Variants in C2orf76 observed in about 807,000 individuals in gnomAD.
C2orf76 encodes the protein chromosome 2 open reading frame 76, also known as UPF0538 protein C2orf76.
C2orf76 carries 23 observed loss-of-function variants against 16.9 expected under a neutral mutation model. The observed-to-expected ratio is 1.36, with a 90% CI of 0.98 to 1.93. C2orf76 has a LOEUF of 1.93. C2orf76 is among the 30% of genes most tolerant of loss of function. The pLI is 0.00. For synonymous variants in C2orf76, 48 were observed against 52.3 expected (o/e 0.92, Z 0.35); for missense variants, 152 against 152.6 (o/e 1.00, Z 0.02).
chr2:119,328,554 T>C (rs922729583), intron 2 of C2orf76, among the ~76,000 whole-genome samples: 2 of 152,204 alleles, frequency 1.3e-5, no homozygotes, highest in African/African-American at 2.4e-5. Flanking sequence ...TCTCCAAGAA[T>C]CAACTTTGAC....
At chr2:119,366,907 C>G (rs565219281), upstream of C2orf76, 88 of 1,065,142 alleles carry the variant, frequency 8.3e-5, no homozygotes, top group African/African-American at 1.2e-3. Context: ...TAGCTGGCTT[C>G]TGATTGGCTT....
At chr2:119,360,013 G>A (rs532592160) in intron 1 of C2orf76, among the ~76,000 whole-genome samples, 6 of 152,284 alleles carry the variant, frequency 3.9e-5, no homozygotes, top group Admixed American at 3.9e-4. Context: ...AAACATCATT[G>A]TTAGCTTATT....
intron 2 of C2orf76, among the ~76,000 whole-genome samples, chr2:119,324,134 T>C (rs1679434770): frequency 6.6e-6 from 1 of 152,210 alleles, no homozygotes; most frequent in East Asian, 1.9e-4. Context: ...TGAAACTCCC[T>C]GAAGAAAGCC....
the C2orf76 span, among the ~76,000 whole-genome samples, chr2:119,293,711 T>G: frequency 2.0e-5 from 3 of 152,176 alleles, no homozygotes; most frequent in Non-Finnish European, 2.9e-5. Flanking sequence ...GCCTGGGCCC[T>G]GGATATACTC....
At chr2:119,305,740 G>A (rs1402709444) in intron 5 of C2orf76, among the ~76,000 whole-genome samples, 1 of 152,046 alleles carries the variant, frequency 6.6e-6, no homozygotes, top group Non-Finnish European at 1.5e-5. Context: ...CCTCCCAAAT[G>A]TCATAAAATC....
At chr2:119,340,755 T>TACACACACAC (rs60777590) in intron 1 of C2orf76, among the ~76,000 whole-genome samples, 16 of 140,284 alleles carry the variant, frequency 1.1e-4, no homozygotes, top group African/African-American at 3.4e-4. Flanking sequence ...TGCTTTCTAA[T>TACACACACAC]ACACACACAC....
At chr2:119,309,377 CT>C (rs1279694921) in intron 5 of C2orf76, among the ~76,000 whole-genome samples, 2 of 132,414 alleles carry the variant, frequency 1.5e-5, no homozygotes, top group African/African-American at 5.5e-5. Flanking sequence ...AGGCTAGTAA[CT>C]TTTCTTTTTT....
rs972786216 is a variant in C2orf76, at chr2:119,314,009, C to T, written c.223-2306G>A. The stretch of plus-strand genomic sequence containing the variant: ...CTTTTCATTTGTTCCTTGCTTTTCT[C>T]AGTGGTTTTTTTTTTTTTTTTTTTT... On this transcript the variant is annotated intron_variant, in intron 4 of 5. Transcript: ENST00000334816. Among the ~76,000 whole-genome samples, 468 of 86,718 alleles carry T rather than the reference C, an allele frequency of 5.4e-3. 4 individuals are homozygous for T. Among genetic ancestry groups the T allele is most frequent in the African/African-American group, 0.02 (439 of 21,722 alleles). The allele number at this position is 86,718 out of a possible 152,430, so 56.9% of individuals were successfully genotyped here. A position where few individuals can be genotyped will look rare whatever the true frequency, so the allele number is the denominator to read the frequency against.
rs1185015981 is a variant in C2orf76, at chr2:119,338,245, GC to G, written c.133+1581del. Reference sequence around the variant, plus strand: ...GAGGAAAGCTCTCGGCCCTCCGTTTGCCTAAAATCAGGACATATAATAGATT... The same window carrying G: ...GAGGAAAGCTCTCGGCCCTCCGTTTGCTAAAATCAGGACATATAATAGATT... On this transcript the variant is annotated intron_variant, in intron 2 of 5. Transcript: ENST00000334816. Among the ~76,000 whole-genome samples, 3 of 152,144 alleles carry G rather than the reference GC, an allele frequency of 2.0e-5. No individual in the cohort carries two copies. In the South Asian group the frequency reaches 6.2e-4, roughly 32 times the overall value.
chr2:119,327,444 A>G (rs926939172), intron 2 of C2orf76, among the ~76,000 whole-genome samples: 2 of 140,912 alleles, frequency 1.4e-5, no homozygotes, highest in Non-Finnish European at 3.0e-5. Context: ...TCCAAATCTC[A>G]TGTTGACATG....
At position 119,321,232 on chromosome 2, in the gene C2orf76, C is replaced by T. The variant is rs373613453; in HGVS notation, c.134-28G>A. 1.0e-4 allele frequency: 127 copies of T among 1,240,614 alleles called. No individual in the cohort carries two copies. The African/African-American group carries it at 1.8e-3, about 17-fold the overall frequency. 76.9% of individuals were successfully genotyped at this position (1,240,614 alleles called of 1,614,324 possible). ...ACAAGAGAAAGATTATTTTTTTACACAATAAGCAAATAGACACTCATAGAA... is the reference window on the plus strand; with the variant it reads ...ACAAGAGAAAGATTATTTTTTTACATAATAAGCAAATAGACACTCATAGAA... On this transcript the variant is annotated intron_variant, in intron 2 of 5. Coordinates refer to ENST00000334816, the MANE Select transcript of C2orf76 (RefSeq NM_001322331.2).
intron 5 of C2orf76, among the ~76,000 whole-genome samples, chr2:119,303,417 T>C (rs1390134511): frequency 6.6e-6 from 1 of 152,242 alleles, no homozygotes; most frequent in African/African-American, 2.4e-5. Context: ...ACAGTCTGCT[T>C]GGCTTTTACA....
intron 3 of C2orf76, among the ~76,000 whole-genome samples, chr2:119,319,542 G>C (rs1679280668): frequency 6.6e-6 from 1 of 152,190 alleles, no homozygotes; most frequent in South Asian, 2.1e-4. Context: ...ATCACACACA[G>C]CTTTATGAAA....
At chr2:119,361,231 C>T (rs568827004) in intron 1 of C2orf76, among the ~76,000 whole-genome samples, 68 of 152,310 alleles carry the variant, frequency 4.5e-4, no homozygotes, top group African/African-American at 1.4e-3. Context: ...TTGTTACCCA[C>T]GGCCAACCAC....
chr2:119,358,960 G>C (rs1680657749), intron 1 of C2orf76, among the ~76,000 whole-genome samples: 2 of 152,204 alleles, frequency 1.3e-5, no homozygotes, highest in Admixed American at 6.5e-5. Context: ...GGAAGATGAA[G>C]CCATCTAGGA....
intron 5 of C2orf76, chr2:119,311,260 C>T: frequency 2.0e-6 from 2 of 985,382 alleles, no homozygotes; most frequent in Non-Finnish European, 1.2e-6. Context: ...TTTCATTATT[C>T]CTCATTAGTT....
Position 119,353,337 on chromosome 2 carries a change from T to A in C2orf76, c.-12-13366A>T, listed in dbSNP as rs1449926009. 4.6e-5 allele frequency among the ~76,000 whole-genome samples: 7 copies of A among 152,272 alleles called. 1 individual carries two copies. The East Asian group carries it at 1.3e-3, about 29-fold the overall frequency. On this transcript the variant is annotated intron_variant, in intron 1 of 5. Coordinates refer to ENST00000334816, the MANE Select transcript of C2orf76 (RefSeq NM_001322331.2). Reference sequence around the variant, plus strand: ...TTAATAACTTTATATTAATTTCAGTTTAAGTTTAGAAGAATGACAAATTAA... The same window carrying A: ...TTAATAACTTTATATTAATTTCAGTATAAGTTTAGAAGAATGACAAATTAA...
chr2:119,365,944 C>T (rs1331677188), intron 1 of C2orf76, among the ~76,000 whole-genome samples: 1 of 152,092 alleles, frequency 6.6e-6, no homozygotes, highest in Non-Finnish European at 1.5e-5. Context: ...TCTGCCACCG[C>T]CAAAACTCTC....
At chr2:119,281,521 A>G in the C2orf76 span, among the ~76,000 whole-genome samples, 3 of 150,230 alleles carry the variant, frequency 2.0e-5, no homozygotes. Context: ...AGAAAATAAA[A>G]AGAGAGAGAG....
Sources: allele counts gnomAD v4.1 joint callset (sites outside exome capture counted in the v4.1 genomes callset), GRCh38; gene constraint gnomAD v4.1.1; transcripts MANE v1.5; gene names NCBI Gene and HGNC (gene_info 2026-07-23, HGNC 2026-07-21).